The following KHDRBS1 variants were observed in gnomAD, a reference collection of about 807,000 sequenced individuals.
KHDRBS1 encodes the protein KH RNA binding domain containing, signal transduction associated 1, also known as KH domain-containing, RNA-binding, signal transduction-associated protein 1.
Under a neutral mutation model 48.4 loss-of-function variants are expected in KHDRBS1, and 7 were observed. The observed-to-expected ratio is 0.14, with a 90% CI of 0.08 to 0.27. The LOEUF is 0.27. KHDRBS1 is among the 10% of genes least tolerant of loss of function. The probability of loss-of-function intolerance (pLI) is 1.00; values close to 1 mark genes in which losing one functional copy is unlikely to be tolerated. For missense variants in KHDRBS1, 458 were observed against 601.2 expected, an observed-to-expected ratio of 0.76 and a Z score of 2.49; for synonymous variants, 241 against 235.8, an observed-to-expected ratio of 1.02 and a Z score of -0.20.
intron 10 of KHDRBS1, among the ~76,000 whole-genome samples, chr1:32,057,905 T>TC (rs577050684): frequency 8.6e-4 from 129 of 150,554 alleles, no homozygotes; most frequent in Non-Finnish European, 1.6e-3. Context: ...TCACCTGAGG[T>TC]CAGGAGTTCA....
chr1:32,014,064 C>T lies in KHDRBS1; in HGVS notation c.69C>T (p.Pro23=). 1.3e-6 allele frequency: 2 copies of T among 1,498,808 alleles called. No individual in the cohort carries two copies. Among genetic ancestry groups the T allele is most frequent in the South Asian group, 1.3e-5 (1 of 79,820 alleles). The allele number at this position is 1,498,808 out of a possible 1,614,324, so 92.8% of individuals were successfully genotyped here. A position where few individuals can be genotyped will look rare whatever the true frequency, so the allele number is the denominator to read the frequency against. Residue 23 remains proline, a synonymous_variant, in exon 1 of 9, where the codon CCC becomes CCT. Transcript: ENST00000327300. ...CGGGCCGTAGCGGCTCCATGGACCC[C>T]TCCGGTGCCCACCCCTCGGTGCGTC... ...RSSGRSGSMD[P]SGAHPSVRQT...
intron 5 of KHDRBS1, 25 bp downstream of exon 5, chr1:32,037,068 A>T: frequency 1.2e-6 from 2 of 1,610,652 alleles, no homozygotes; most frequent in East Asian, 2.2e-5. Context: ...GACACCCAGA[A>T]ATAGGATGTG....
At chr1:32,038,508 T>C in intron 6 of KHDRBS1, 44 bp from the exon 7 acceptor site, 1 of 1,591,938 alleles carries the variant, frequency 6.3e-7, no homozygotes. Context: ...CTACTCTCTA[T>C]GATTTTGATC....
intron 1 of KHDRBS1, among the ~76,000 whole-genome samples, chr1:32,026,675 C>T (rs888946215): frequency 6.6e-6 from 1 of 152,178 alleles, no homozygotes; most frequent in Non-Finnish European, 1.5e-5. Context: ...GACTTTGAAT[C>T]GTCTTGCACT....
chr1:32,026,749 G>A (rs981683975), intron 1 of KHDRBS1, among the ~76,000 whole-genome samples: 13 of 152,106 alleles, frequency 8.5e-5, no homozygotes, highest in African/African-American at 2.9e-4. Context: ...GGTAGCCCTC[G>A]GAAGCACAAA....
intron 1 of KHDRBS1, among the ~76,000 whole-genome samples, chr1:32,025,642 C>A (rs535044944): frequency 2.0e-5 from 3 of 147,398 alleles, no homozygotes; most frequent in Admixed American, 1.4e-4. Flanking sequence ...TCTTAGTCTT[C>A]TGCTTGCTTC....
intron 7 of KHDRBS1, 72 bp downstream of exon 7, chr1:32,038,691 T>C: frequency 7.0e-7 from 1 of 1,434,830 alleles, no homozygotes; most frequent in Non-Finnish European, 9.8e-7. Flanking sequence ...ACAGAGAGAT[T>C]TAGACAGTAC....
chr1:32,031,685 A>T (rs751439232), intron 3 of KHDRBS1, 45 bp downstream of exon 3: 2 of 1,244,108 alleles, frequency 1.6e-6, no homozygotes, highest in Non-Finnish European at 2.3e-6. Flanking sequence ...AATGCCTTCT[A>T]CTTGCCCAGA....
At chr1:32,018,479 G>T (rs1638788292) in intron 1 of KHDRBS1, among the ~76,000 whole-genome samples, 1 of 148,286 alleles carries the variant, frequency 6.7e-6, no homozygotes, top group Non-Finnish European at 1.5e-5. Flanking sequence ...AAACAGGCCG[G>T]GTGCGGTGGC....
At chr1:32,026,833 C>G (rs933278181) in intron 1 of KHDRBS1, among the ~76,000 whole-genome samples, 1 of 152,158 alleles carries the variant, frequency 6.6e-6, no homozygotes, top group Non-Finnish European at 1.5e-5. Context: ...CTTGCCCTAT[C>G]GCCCAAGCTG....
chr1:32,020,507 C>G (rs1382810606), intron 1 of KHDRBS1, among the ~76,000 whole-genome samples: 2 of 151,806 alleles, frequency 1.3e-5, no homozygotes, highest in African/African-American at 2.4e-5. Context: ...AACACAAAAC[C>G]TGTACATGAA....
At chr1:32,049,262 G>A (rs570704780) in intron 10 of KHDRBS1, among the ~76,000 whole-genome samples, 2 of 151,868 alleles carry the variant, frequency 1.3e-5, no homozygotes, top group African/African-American at 4.8e-5. Context: ...CACCGTGTTG[G>A]CCAGGCTGGT....
chr1:32,051,453 G>C (rs1347848258), intron 10 of KHDRBS1, among the ~76,000 whole-genome samples: 5 of 152,190 alleles, frequency 3.3e-5, no homozygotes, highest in African/African-American at 1.2e-4. Context: ...GATAGAGCTA[G>C]GATTTGATCC....
intron 10 of KHDRBS1, among the ~76,000 whole-genome samples, chr1:32,052,009 A>G (rs1639428099): frequency 1.3e-5 from 2 of 152,182 alleles, no homozygotes; most frequent in South Asian, 2.1e-4. Flanking sequence ...TTCTCAGTCT[A>G]TGCCATCCAC....
chr1:32,050,409 TC>T (rs1318557250), intron 10 of KHDRBS1, among the ~76,000 whole-genome samples: 3 of 152,192 alleles, frequency 2.0e-5, no homozygotes, highest in Non-Finnish European at 4.4e-5. Flanking sequence ...TCTGTTTTTT[TC>T]TTTTTTGTCA....
rs369613795 is a variant in KHDRBS1 at position 32,042,482 on chromosome 1, T to G, written c.1235-45T>G. The G allele has an allele frequency of 8.2e-5, 108 of 1,311,140 alleles. No individual in the cohort carries two copies. The African/African-American group carries it at 1.5e-3, about 18-fold the overall frequency. 81.2% of individuals were successfully genotyped at this position (1,311,140 alleles called of 1,614,324 possible). A position where few individuals can be genotyped will look rare whatever the true frequency, so the allele number is the denominator to read the frequency against. Reference sequence around the variant, plus strand: ...TGACCTATCCCTGCTTATCCCTAAGTGCTGTCGCCACATGGTTTATAAACT... The same window carrying G: ...TGACCTATCCCTGCTTATCCCTAAGGGCTGTCGCCACATGGTTTATAAACT... On this transcript the variant is annotated intron_variant, in intron 8 of 8. Coordinates refer to ENST00000327300, the MANE Select transcript of KHDRBS1 (RefSeq NM_006559.3).
intron 2 of KHDRBS1, among the ~76,000 whole-genome samples, chr1:32,030,847 T>A (rs1036529015): frequency 2.0e-5 from 3 of 152,088 alleles, no homozygotes; most frequent in African/African-American, 7.2e-5. Context: ...CTTCCTTTTT[T>A]TTTTTTTAGG....
At chr1:32,032,439 C>A (rs1047890809) in intron 3 of KHDRBS1, among the ~76,000 whole-genome samples, 3 of 152,204 alleles carry the variant, frequency 2.0e-5, no homozygotes, top group African/African-American at 7.2e-5. Context: ...GTCCTGACTT[C>A]TTTCTTCCCC....
chr1:32,057,107 A>G (rs573613045), intron 10 of KHDRBS1, among the ~76,000 whole-genome samples: 2 of 152,326 alleles, frequency 1.3e-5, no homozygotes, highest in Admixed American at 1.3e-4. Context: ...GGCTTGGGGA[A>G]AGGACATAGA....
Sources: allele counts gnomAD v4.1 joint callset (sites outside exome capture counted in the v4.1 genomes callset), GRCh38; gene constraint gnomAD v4.1.1; transcripts MANE v1.5; gene names NCBI Gene and HGNC (gene_info 2026-07-23, HGNC 2026-07-21).